FOXE1: variants seen among roughly 807,000 people sequenced by gnomAD.
FOXE1 encodes the protein forkhead box E1, also known as forkhead box protein E1.
Under a neutral mutation model 2.1 loss-of-function variants are expected in FOXE1, and 4 were observed. The ratio of observed to expected loss-of-function variants is 1.91; its 90% CI spans 0.94 to 4.37. The LOEUF (loss-of-function observed/expected upper bound fraction) is 4.37, where lower values mean the gene tolerates loss of function less well. Ranked by LOEUF, FOXE1 falls within the 30% of genes most tolerant of loss-of-function variation. The probability of loss-of-function intolerance (pLI) is 0.01; values close to 1 mark genes in which losing one functional copy is unlikely to be tolerated. For synonymous variants in FOXE1, 277 were observed against 272.4 expected, an observed-to-expected ratio of 1.02 and a Z score of -0.17; for missense variants, 574 against 583.3, an observed-to-expected ratio of 0.98 and a Z score of 0.16.
Position 97,855,262 on chromosome 9 carries a change from C to A in FOXE1, c.*226C>A. The A allele has an allele frequency of 1.6e-6, 1 of 639,582 alleles. No individual in the cohort carries two copies. Among genetic ancestry groups the A allele is most frequent in the Non-Finnish European group, 2.9e-6 (1 of 349,176 alleles). 39.6% of individuals were successfully genotyped at this position (639,582 alleles called of 1,614,324 possible). A position where few individuals can be genotyped will look rare whatever the true frequency, so the allele number is the denominator to read the frequency against. ...AGAGCCCTTGGACTGGCACAGGGAC[C>A]CTCGATGGAGCGAAGCCCTCAAACG... On this transcript the variant is annotated 3_prime_UTR_variant, in exon 1 of 1. Transcript: ENST00000375123.
rs1390446113 is a variant in FOXE1, at chr9:97,855,278, C to T, written c.*242C>T. ...CACAGGGACCCTCGATGGAGCGAAG[C>T]CCTCAAACGGGATGCTTTCTGGTAT... On this transcript the variant is annotated 3_prime_UTR_variant, in exon 1 of 1. Transcript: ENST00000375123. 7 of 617,250 alleles carry T rather than the reference C, an allele frequency of 1.1e-5. No individual in the cohort carries two copies. Among genetic ancestry groups the T allele is most frequent in the Non-Finnish European group, 2.1e-5 (7 of 336,332 alleles). 38.2% of individuals were successfully genotyped at this position (617,250 alleles called of 1,614,324 possible). A position where few individuals can be genotyped will look rare whatever the true frequency, so the allele number is the denominator to read the frequency against.
rs1230771648 is a variant in FOXE1 at position 97,856,081 on chromosome 9, A to C, written c.*1045A>C. 6.0e-5 allele frequency: 10 copies of C among 166,624 alleles called. No homozygotes were observed. The highest frequency in any genetic ancestry group is 1.2e-4 in the Non-Finnish European group (8 of 68,106). 10.3% of individuals were successfully genotyped at this position (166,624 alleles called of 1,614,324 possible). ...AACTAAAGTTTAAGGAGATGAGAGG[A>C]TTCAAGGAGCCCGTTGGTGACGCCT... On this transcript the variant is annotated 3_prime_UTR_variant, in exon 1 of 1. Transcript: ENST00000375123.
chr9:97,854,890 G>C lies in FOXE1; in HGVS notation c.976G>C (p.Gly326Arg), dbSNP rs746677097. ...CGTGGAGACCACGGTGGACTTCTAC[G>C]GGCGCACGTCGCCCGGCCAGTTCGG... ...GGVETTVDFYGRTSPGQFGAL... is the reference protein window; with the variant it reads ...GGVETTVDFYRRTSPGQFGAL... The change falls in exon 1 of 1, where the codon GGG becomes CGG. Residue 326 changes from glycine (G) to arginine (R), a missense_variant. Coordinates refer to ENST00000375123, the MANE Select transcript of FOXE1 (RefSeq NM_004473.4). 2 of 1,590,890 alleles carry C rather than the reference G, an allele frequency of 1.3e-6. No homozygotes were observed. The highest frequency in any genetic ancestry group is 1.3e-5 in the African/African-American group (1 of 74,700).
At position 97,854,131 on chromosome 9, in the gene FOXE1, C is replaced by G. The variant is rs1293473458; in HGVS notation, c.217C>G (p.Arg73Gly). ...GGCCATCGCGCACGCGCCCGAGCGCCGCCTCACGCTGGGCGGCATCTACAA... is the reference window on the plus strand; with the variant it reads ...GGCCATCGCGCACGCGCCCGAGCGCGGCCTCACGCTGGGCGGCATCTACAA... ...AMAIAHAPER[R>G]LTLGGIYKFI... Residue 73 changes from arginine (R) to glycine (G), a missense_variant, in exon 1 of 1, where the codon CGC (arginine) becomes GGC (glycine). By Grantham distance (125) the Arg-to-Gly change is moderately radical. This residue lies in a region of FOXE1 where 249 missense variants were observed against 269.6 expected (regional missense o/e 0.92). Transcript: ENST00000375123. 1 of 1,612,338 alleles carries G rather than the reference C, an allele frequency of 6.2e-7. No homozygotes were observed. The highest frequency in any genetic ancestry group is 8.5e-7 in the Non-Finnish European group (1 of 1,179,422).
chr9:97,854,733 C>T lies in FOXE1; in HGVS notation c.819C>T (p.Asn273=), dbSNP rs779966006. ...PAGCTGARPA[N]PSAYAAAYAG... ...GCTGCACCGGGGCCCGGCCGGCCAA[C>T]CCCTCCGCCTATGCGGCTGCCTACG... The change falls in exon 1 of 1, where the codon AAC becomes AAT. Residue 273 remains asparagine, a synonymous_variant. Transcript: ENST00000375123. 6.9e-7 allele frequency: 1 copy of T among 1,439,428 alleles called. No homozygotes were observed. Among genetic ancestry groups the T allele is most frequent in the Non-Finnish European group, 9.0e-7 (1 of 1,108,338 alleles). 89.2% of individuals were successfully genotyped at this position (1,439,428 alleles called of 1,614,324 possible). A position where few individuals can be genotyped will look rare whatever the true frequency, so the allele number is the denominator to read the frequency against.
In FOXE1 at chr9:97,855,038, C is replaced by G; in HGVS notation, c.*2C>G. 2 of 1,612,330 alleles carry G rather than the reference C, an allele frequency of 1.2e-6. No individual in the cohort carries two copies. Among genetic ancestry groups the G allele is most frequent in the South Asian group, 1.1e-5 (1 of 91,066 alleles). On this transcript the variant is annotated 3_prime_UTR_variant, in exon 1 of 1. Coordinates refer to ENST00000375123, the MANE Select transcript of FOXE1 (RefSeq NM_004473.4). ...GATCGGTTCGTGTCCGCCATGTGAGCCAGCGTAGGGACGAAAACTCATAGA... is the reference window on the plus strand; with the variant it reads ...GATCGGTTCGTGTCCGCCATGTGAGGCAGCGTAGGGACGAAAACTCATAGA...
rs2131485479 is a variant in FOXE1, at chr9:97,853,932, G to A, written c.18G>A (p.Gly6=). ...CCCGCGCCATGACTGCCGAGAGCGG[G>A]CCGCCGCCGCCGCAGCCGGAGGTGC... The part of the protein sequence containing the change: MTAES[G]PPPPQPEVLA... Residue 6 remains glycine (G), a synonymous_variant, in exon 1 of 1, where the codon GGG becomes GGA. Coordinates refer to ENST00000375123, the MANE Select transcript of FOXE1 (RefSeq NM_004473.4). The A allele has an allele frequency of 6.2e-6, 8 of 1,293,512 alleles. No individual in the cohort carries two copies. Among genetic ancestry groups the A allele is most frequent in the Non-Finnish European group, 7.8e-6 (8 of 1,026,360 alleles). The allele number at this position is 1,293,512 out of a possible 1,614,324, so 80.1% of individuals were successfully genotyped here.
In FOXE1 at chr9:97,853,742, G is replaced by A; in HGVS notation, c.-173G>A. ...ACCGCGCCAGCCCCAGACCACGGACGCTGAGCCTCCAGCGCGTGCCAGCCT... is the reference window on the plus strand; with the variant it reads ...ACCGCGCCAGCCCCAGACCACGGACACTGAGCCTCCAGCGCGTGCCAGCCT... On this transcript the variant is annotated 5_prime_UTR_variant, in exon 1 of 1. Coordinates refer to ENST00000375123, the MANE Select transcript of FOXE1 (RefSeq NM_004473.4). 2.1e-6 allele frequency: 1 copy of A among 470,872 alleles called. No homozygotes were observed. Among genetic ancestry groups the A allele is most frequent in the African/African-American group, 2.0e-5 (1 of 49,188 alleles). The allele number at this position is 470,872 out of a possible 1,614,324, so 29.2% of individuals were successfully genotyped here.
chr9:97,854,944 G>T lies in FOXE1; in HGVS notation c.1030G>T (p.Gly344Trp). 1.2e-6 allele frequency: 2 copies of T among 1,602,422 alleles called. No homozygotes were observed. Among genetic ancestry groups the T allele is most frequent in the Non-Finnish European group, 1.7e-6 (2 of 1,179,882 alleles). ...GCTGGGAGCCTGCTACAACCCTGGC[G>T]GGCAGCTCGGAGGGGCCAGTGCAGG... ...GALGACYNPG[G>W]QLGGASAGAY... is the part of the protein sequence containing the mutation. Residue 344 changes from glycine (G) to tryptophan (W), a missense_variant, in exon 1 of 1, where the codon GGG becomes TGG. Gly to Trp is a radical substitution (Grantham distance 184). Transcript: ENST00000375123.
In FOXE1 at chr9:97,854,455, T is replaced by C; in HGVS notation, c.541T>C (p.Phe181Leu). The change falls in exon 1 of 1, where the codon TTC (phenylalanine) becomes CTC (leucine). Residue 181 changes from phenylalanine to leucine, a missense_variant. Transcript: ENST00000375123. ...AAAAAAAAAI[F>L]PGAVPAARPP... is the part of the protein sequence containing the mutation. Reference sequence around the variant, plus strand: ...CGCCGCCGCCGCCGCCGCCGCCATCTTCCCAGGCGCGGTGCCCGCCGCGCG... The same window carrying C: ...CGCCGCCGCCGCCGCCGCCGCCATCCTCCCAGGCGCGGTGCCCGCCGCGCG... 1 of 1,241,234 alleles carries C rather than the reference T, an allele frequency of 8.1e-7. No homozygotes were observed. Among genetic ancestry groups the C allele is most frequent in the Middle Eastern group, 3.1e-4 (1 of 3,238 alleles). The allele number at this position is 1,241,234 out of a possible 1,614,324, so 76.9% of individuals were successfully genotyped here.
In FOXE1 at chr9:97,855,048, G is replaced by A. The variant is rs1405879296; in HGVS notation, c.*12G>A. On this transcript the variant is annotated 3_prime_UTR_variant, in exon 1 of 1. Transcript: ENST00000375123. ...TGTCCGCCATGTGAGCCAGCGTAGGGACGAAAACTCATAGACACATCGGCT... is the reference window on the plus strand; with the variant it reads ...TGTCCGCCATGTGAGCCAGCGTAGGAACGAAAACTCATAGACACATCGGCT... The A allele has an allele frequency of 6.2e-7, 1 of 1,612,722 alleles. No homozygotes were observed. Among genetic ancestry groups the A allele is most frequent in the Middle Eastern group, 1.7e-4 (1 of 6,042 alleles).
Position 97,854,680 on chromosome 9 carries a change from G to T in FOXE1, c.766G>T (p.Ala256Ser), listed in dbSNP as rs1179728924. The stretch of plus-strand genomic sequence containing the variant: ...CGCCTTTGCCTCCGCCGGCGCCCCC[G>T]CTACCACCACCGGCTACCAGCCCGC... ...SCAFASAGAP[A>S]TTTGYQPAGC... The change falls in exon 1 of 1, where the codon GCT (alanine) becomes TCT (serine). Residue 256 changes from alanine to serine, a missense_variant. Physicochemically the swap from Ala to Ser is moderately conservative, Grantham distance 99. Transcript: ENST00000375123. 5 of 1,409,358 alleles carry T rather than the reference G, an allele frequency of 3.5e-6. No homozygotes were observed. The South Asian group carries it at 6.0e-5, about 17-fold the overall frequency. 87.3% of individuals were successfully genotyped at this position (1,409,358 alleles called of 1,614,324 possible).
In FOXE1 at chr9:97,855,835, GAA is replaced by G. The variant is rs952129264; in HGVS notation, c.*802_*803del. On this transcript the variant is annotated 3_prime_UTR_variant, in exon 1 of 1. Coordinates refer to ENST00000375123, the MANE Select transcript of FOXE1 (RefSeq NM_004473.4). ...AGCCTAGCCGCTGTTCTAGGGAACG[GAA>G]AAGAGTTCATGGCCAAGCGTCTAAC... 6.0e-6 allele frequency: 1 copy of G among 167,100 alleles called. No individual in the cohort carries two copies. Among genetic ancestry groups the G allele is most frequent in the African/African-American group, 2.4e-5 (1 of 41,464 alleles). The allele number at this position is 167,100 out of a possible 1,614,324, so 10.4% of individuals were successfully genotyped here. A position where few individuals can be genotyped will look rare whatever the true frequency, so the allele number is the denominator to read the frequency against.
At position 97,855,122 on chromosome 9, in the gene FOXE1, C is replaced by G; in HGVS notation, c.*86C>G. 2.0e-6 allele frequency: 3 copies of G among 1,517,042 alleles called. No individual in the cohort carries two copies. Among genetic ancestry groups the G allele is most frequent in the Non-Finnish European group, 2.7e-6 (3 of 1,110,528 alleles). The allele number at this position is 1,517,042 out of a possible 1,614,324, so 94.0% of individuals were successfully genotyped here. ...AGAACGAACAGGAATGGAGAGAGGA[C>G]TCAACTGGGACCCACGTGGAAAAGA... On this transcript the variant is annotated 3_prime_UTR_variant, in exon 1 of 1. Transcript: ENST00000375123.
Position 97,854,767 on chromosome 9 carries a change from G to A in FOXE1, c.853G>A (p.Asp285Asn), listed in dbSNP as rs1428797247. Reference protein sequence around the residue: ...SAYAAAYAGPDGAYPQGAGSA... With the variant: ...SAYAAAYAGPNGAYPQGAGSA... ...CTATGCGGCTGCCTACGCGGGCCCCGACGGCGCGTACCCGCAGGGCGCCGG... is the reference window on the plus strand; with the variant it reads ...CTATGCGGCTGCCTACGCGGGCCCCAACGGCGCGTACCCGCAGGGCGCCGG... Residue 285 changes from aspartate (D) to asparagine (N), a missense_variant, in exon 1 of 1, where the codon GAC (aspartate) becomes AAC (asparagine). By Grantham distance (23) the Asp-to-Asn change is conservative. This residue lies in a region of FOXE1 where 316 missense variants were observed against 288.4 expected (regional missense o/e 1.10). Transcript: ENST00000375123. 2 of 1,496,442 alleles carry A rather than the reference G, an allele frequency of 1.3e-6. No individual in the cohort carries two copies. Among genetic ancestry groups the A allele is most frequent in the Non-Finnish European group, 1.8e-6 (2 of 1,131,996 alleles). 92.7% of individuals were successfully genotyped at this position (1,496,442 alleles called of 1,614,324 possible). A position where few individuals can be genotyped will look rare whatever the true frequency, so the allele number is the denominator to read the frequency against.
Position 97,854,504 on chromosome 9 carries a change from A to C in FOXE1, c.590A>C (p.Tyr197Ser). ...AARPPYPGAVYAGYAPPSLAA... is the reference protein window; with the variant it reads ...AARPPYPGAVSAGYAPPSLAA... ...CGCCCCCCCTACCCGGGCGCCGTCT[A>C]TGCAGGCTACGCGCCGCCGTCGCTG... The change falls in exon 1 of 1, where the codon TAT (tyrosine) becomes TCT (serine). Residue 197 changes from tyrosine to serine, a missense_variant. Tyr to Ser is a moderately radical substitution (Grantham distance 144). Around this residue, in one of 3 missense-constraint regions of FOXE1, gnomAD observed 316 missense variants for 288.4 expected, o/e 1.10. Coordinates refer to ENST00000375123, the MANE Select transcript of FOXE1 (RefSeq NM_004473.4). 3 of 1,241,714 alleles carry C rather than the reference A, an allele frequency of 2.4e-6. No individual in the cohort carries two copies. Among genetic ancestry groups the C allele is most frequent in the Non-Finnish European group, 3.0e-6 (3 of 997,102 alleles). The allele number at this position is 1,241,714 out of a possible 1,614,324, so 76.9% of individuals were successfully genotyped here.
Position 97,854,389 on chromosome 9 carries a change from G to A in FOXE1, c.475G>A (p.Ala159Thr), listed in dbSNP as rs765360231. 21 of 1,426,150 alleles carry A rather than the reference G, an allele frequency of 1.5e-5. No homozygotes were observed. Among genetic ancestry groups the A allele is most frequent in the Non-Finnish European group, 1.8e-5 (20 of 1,088,664 alleles). 88.3% of individuals were successfully genotyped at this position (1,426,150 alleles called of 1,614,324 possible). A position where few individuals can be genotyped will look rare whatever the true frequency, so the allele number is the denominator to read the frequency against. ...FKRSDLSTYP[A>T]YMHDAAAAAA... ...GCGCTCGGACCTCTCCACCTACCCG[G>A]CTTACATGCACGACGCGGCGGCTGC... Residue 159 changes from alanine to threonine, a missense_variant, in exon 1 of 1, where the codon GCT becomes ACT. By Grantham distance (58) the Ala-to-Thr change is moderately conservative (BLOSUM62 0). Coordinates refer to ENST00000375123, the MANE Select transcript of FOXE1 (RefSeq NM_004473.4).
At position 97,854,418 on chromosome 9, in the gene FOXE1, AGCCGCCGCCGCCGCCGCC is replaced by A. The variant is rs71369530; in HGVS notation, c.520_537del (p.Ala174_Ala179del). On this transcript the variant is annotated inframe_deletion, in exon 1 of 1. Transcript: ENST00000375123. ...ACATGCACGACGCGGCGGCTGCCGC[AGCCGCCGCCGCCGCCGCC>A]GCCGCCGCCGCCGCCATCTTCCCAG... The A allele has an allele frequency of 2.4e-4, 298 of 1,220,050 alleles. 4 individuals carry two copies. The highest frequency in any genetic ancestry group is 1.3e-3 in the Middle Eastern group (4 of 3,124). The allele number at this position is 1,220,050 out of a possible 1,614,324, so 75.6% of individuals were successfully genotyped here.
chr9:97,854,232 A>G lies in FOXE1; in HGVS notation c.318A>G (p.Thr106=). ...AGAACAGCATCCGCCACAACCTCAC[A>G]CTCAACGACTGCTTCCTCAAGATCC... The part of the protein sequence containing the change: ...KWQNSIRHNL[T]LNDCFLKIPR... Residue 106 remains threonine (T), a synonymous_variant, in exon 1 of 1, where the codon ACA becomes ACG. Coordinates refer to ENST00000375123, the MANE Select transcript of FOXE1 (RefSeq NM_004473.4). 1.2e-6 allele frequency: 2 copies of G among 1,612,454 alleles called. No individual in the cohort carries two copies. Among genetic ancestry groups the G allele is most frequent in the Non-Finnish European group, 1.7e-6 (2 of 1,179,426 alleles).
Sources: allele counts gnomAD v4.1 joint callset, GRCh38; gene constraint gnomAD v4.1.1; regional missense constraint gnomAD v4.1.1; transcripts MANE v1.5; gene names NCBI Gene and HGNC (gene_info 2026-07-23, HGNC 2026-07-21).